Variants in DIAPH1 observed in about 807,000 individuals in gnomAD.
DIAPH1 encodes the protein protein diaphanous homolog 1.
In DIAPH1, 46 loss-of-function variants were observed where a neutral mutation model predicts 140.7. The ratio of observed to expected loss-of-function variants is 0.33; its 90% CI spans 0.26 to 0.42. The LOEUF (loss-of-function observed/expected upper bound fraction) is 0.42, where lower values mean the gene tolerates loss of function less well. Among genes scored for constraint, DIAPH1 ranks in the 10% least tolerant of loss-of-function variants. The probability of loss-of-function intolerance (pLI) is 1.00; values close to 1 mark genes in which losing one functional copy is unlikely to be tolerated. For missense variants in DIAPH1, 1,310 were observed against 1,558.7 expected (o/e 0.84, Z 2.69); for synonymous variants, 565 against 551.6 (o/e 1.02, Z -0.34).
chr5:141,525,369 C>T (rs534737385), intron 26 of DIAPH1, among the ~76,000 whole-genome samples: 9 of 152,030 alleles, frequency 5.9e-5, no homozygotes, highest in Admixed American at 2.6e-4. Flanking sequence ...GCTGTATTTC[C>T]GCTGCCCACA....
chr5:141,607,441 G>A (rs543341091), intron 1 of DIAPH1, among the ~76,000 whole-genome samples: 10 of 152,298 alleles, frequency 6.6e-5, no homozygotes, highest in South Asian at 2.1e-4. Flanking sequence ...CTCCATCTAC[G>A]TAGCGGAAAT....
At chr5:141,556,095 T>C (rs1306700224) in intron 18 of DIAPH1, among the ~76,000 whole-genome samples, 1 of 152,284 alleles carries the variant, frequency 6.6e-6, no homozygotes, top group South Asian at 2.1e-4. Context: ...GCAAGAACTT[T>C]CATCTGATCA....
chr5:141,587,747 T>C (rs981771984), intron 2 of DIAPH1, among the ~76,000 whole-genome samples: 8 of 152,232 alleles, frequency 5.3e-5, no homozygotes, highest in Admixed American at 2.0e-4. Flanking sequence ...GTTCAATATA[T>C]ATTCTTCAAA....
intron 18 of DIAPH1, among the ~76,000 whole-genome samples, chr5:141,544,528 A>C (rs2099890494): frequency 2.0e-5 from 3 of 152,218 alleles, no homozygotes; most frequent in Admixed American, 2.0e-4. Flanking sequence ...GATCATAAGA[A>C]AACAACCCAA....
intron 18 of DIAPH1, among the ~76,000 whole-genome samples, chr5:141,556,607 T>C (rs2099892621): frequency 6.6e-6 from 1 of 152,272 alleles, no homozygotes; most frequent in African/African-American, 2.4e-5. Context: ...TGGGAAATCC[T>C]AAAGAAGAGG....
intron 1 of DIAPH1, among the ~76,000 whole-genome samples, chr5:141,600,388 G>T (rs2099899959): frequency 6.6e-6 from 1 of 152,174 alleles, no homozygotes; most frequent in Non-Finnish European, 1.5e-5. Context: ...CACAATCCAT[G>T]CCAAACTTCT....
In DIAPH1 at chr5:141,518,562, G is replaced by A. The variant is rs1006713400; in HGVS notation, c.3662-1554C>T. ...TTTTTTTTTTGATGGAATCTCAGTCGCCCAGGCTGGAGTGCAGCAGCGCAA... is the reference window on the plus strand; with the variant it reads ...TTTTTTTTTTGATGGAATCTCAGTCACCCAGGCTGGAGTGCAGCAGCGCAA... On this transcript the variant is annotated intron_variant, in intron 27 of 27. Coordinates refer to ENST00000389054, the MANE Select transcript of DIAPH1 (RefSeq NM_005219.5). The A allele has an allele frequency of 8.3e-5, 13 of 155,882 alleles. No homozygotes were observed. The East Asian group carries it at 2.1e-3, about 25-fold the overall frequency. The allele number at this position is 155,882 out of a possible 1,614,324, so 9.7% of individuals were successfully genotyped here. A position where few individuals can be genotyped will look rare whatever the true frequency, so the allele number is the denominator to read the frequency against.
chr5:141,541,684 C>CAAAAAAAAAAAAAAAAAAAAAAAAAAAA (rs145217158), intron 18 of DIAPH1, among the ~76,000 whole-genome samples: 1 of 104,184 alleles, frequency 9.6e-6, no homozygotes, highest in Non-Finnish European at 2.0e-5. Context: ...GATTCTGTCT[C>CAAAAAAAAAAAAAAAAAAAAAAAAAAAA]AAAAAAAAAA....
intron 1 of DIAPH1, among the ~76,000 whole-genome samples, chr5:141,599,048 G>GA (rs2099899749): frequency 6.6e-6 from 1 of 152,092 alleles, no homozygotes; most frequent in South Asian, 2.1e-4. Flanking sequence ...ACTTTAATCA[G>GA]AAAAAGGGCC....
chr5:141,577,374 G>A, intron 12 of DIAPH1, 101 bp downstream of exon 12: 1 of 890,494 alleles, frequency 1.1e-6, no homozygotes, highest in East Asian at 2.5e-5. Context: ...TTGGGTCTTT[G>A]TCTTTACATT....
chr5:141,545,086 A>G (rs1291409577), intron 18 of DIAPH1, among the ~76,000 whole-genome samples: 2 of 152,210 alleles, frequency 1.3e-5, no homozygotes, highest in Non-Finnish European at 2.9e-5. Flanking sequence ...GTATGATTCT[A>G]CTTATATGAC....
At chr5:141,612,600 C>A (rs1196508558) in intron 1 of DIAPH1, among the ~76,000 whole-genome samples, 2 of 151,940 alleles carry the variant, frequency 1.3e-5, no homozygotes, top group East Asian at 3.8e-4. Flanking sequence ...TCTATAGTTA[C>A]AGAAAGAAAA....
Position 141,578,595 on chromosome 5 carries a change from T to A in DIAPH1, c.964A>T (p.Ile322Phe), listed in dbSNP as rs2099896290. Reference sequence around the variant, plus strand: ...AAGTCAAGTTCCTCCGCTGGTGTGATGAGAGCATTGATCAGCTGTAGGCAT... The same window carrying A: ...AAGTCAAGTTCCTCCGCTGGTGTGAAGAGAGCATTGATCAGCTGTAGGCAT... The part of the protein sequence containing the change: ...VGCLQLINAL[I>F]TPAEELDFRV... The change falls in exon 10 of 28, where the codon ATC becomes TTC. Residue 322 changes from isoleucine to phenylalanine, a missense_variant. This residue lies in a region of DIAPH1 where 377 missense variants were observed against 497.1 expected (regional missense o/e 0.76). Coordinates refer to ENST00000389054, the MANE Select transcript of DIAPH1 (RefSeq NM_005219.5). 1 of 1,613,478 alleles carries A rather than the reference T, an allele frequency of 6.2e-7. No individual in the cohort carries two copies. Among genetic ancestry groups the A allele is most frequent in the Non-Finnish European group, 8.5e-7 (1 of 1,180,014 alleles).
intron 19 of DIAPH1, among the ~76,000 whole-genome samples, chr5:141,532,523 C>A (rs1178156134): frequency 6.6e-6 from 1 of 152,164 alleles, no homozygotes; most frequent in Non-Finnish European, 1.5e-5. Context: ...TTTAGAATAT[C>A]TTCTGGGATT....
intron 18 of DIAPH1, among the ~76,000 whole-genome samples, chr5:141,570,459 C>T (rs1047765856): frequency 1.1e-4 from 17 of 151,968 alleles, no homozygotes; most frequent in African/African-American, 4.1e-4. Context: ...AATGACAGGG[C>T]AACAAGACAG....
chr5:141,576,288 A>G lies in DIAPH1; in HGVS notation c.1403T>C (p.Met468Thr). Residue 468 changes from methionine (M) to threonine (T), a missense_variant, in exon 14 of 28, where the codon ATG becomes ACG. By Grantham distance (81) the Met-to-Thr change is moderately conservative (BLOSUM62 -1). This residue lies in a region of DIAPH1 where 589 missense variants were observed against 549.3 expected (regional missense o/e 1.07). Coordinates refer to ENST00000389054, the MANE Select transcript of DIAPH1 (RefSeq NM_005219.5). Reference sequence around the variant, plus strand: ...TTTCTCCACCTTTGTCTTATCAATCATTTGATCTGAAAAGAAGAAGAGTCA... The same window carrying G: ...TTTCTCCACCTTTGTCTTATCAATCGTTTGATCTGAAAAGAAGAAGAGTCA... ...QIEIEGLIDQMIDKTKVEKSE... is the reference protein window; with the variant it reads ...QIEIEGLIDQTIDKTKVEKSE... 1 of 1,613,468 alleles carries G rather than the reference A, an allele frequency of 6.2e-7. No individual in the cohort carries two copies. Among genetic ancestry groups the G allele is most frequent in the Non-Finnish European group, 8.5e-7 (1 of 1,179,372 alleles).
intron 1 of DIAPH1, among the ~76,000 whole-genome samples, chr5:141,593,948 T>G (rs954317225): frequency 2.6e-5 from 4 of 152,194 alleles, no homozygotes; most frequent in Non-Finnish European, 5.9e-5. Context: ...TACAGGCGCA[T>G]GCCACCACAC....
At chr5:141,571,870 G>GA in intron 17 of DIAPH1, 56 bp downstream of exon 17, 1 of 1,292,508 alleles carries the variant, frequency 7.7e-7, no homozygotes, top group Non-Finnish European at 1.1e-6. Flanking sequence ...GAAACCTAAT[G>GA]AAAAAATATT....
At chr5:141,555,031 T>C (rs1479339275) in intron 18 of DIAPH1, among the ~76,000 whole-genome samples, 2 of 152,180 alleles carry the variant, frequency 1.3e-5, no homozygotes, top group Non-Finnish European at 2.9e-5. Flanking sequence ...CCTGATTACA[T>C]GAATGTAAAT....
Sources: gnomAD v4.1 joint callset for allele counts (sites outside exome capture counted in the v4.1 genomes callset) on GRCh38, gnomAD v4.1.1 for gene constraint, gnomAD v4.1.1 regional missense constraint, MANE v1.5 for transcripts, NCBI Gene and HGNC (gene_info 2026-07-23, HGNC 2026-07-21) for gene names.